The following RNLS variants were observed in gnomAD, a reference collection of about 807,000 sequenced individuals.
RNLS encodes renalase, FAD dependent amine oxidase, also known as renalase.
A neutral mutation model predicts 39.8 loss-of-function variants in RNLS; 39 were observed. The ratio of observed to expected loss-of-function variants is 0.98; its 90% CI spans 0.76 to 1.28. The LOEUF (loss-of-function observed/expected upper bound fraction) is 1.28. Among genes scored for constraint, RNLS ranks in the 50% most tolerant of loss-of-function variants. The pLI is 0.00. For missense variants in RNLS, 410 were observed against 413.3 expected, an observed-to-expected ratio of 0.99 and a Z score of 0.07; for synonymous variants, 147 against 150.7, an observed-to-expected ratio of 0.98 and a Z score of 0.18.
Position 88,362,658 on chromosome 10 carries a change from G to A in RNLS, c.594C>T (p.Leu198=). The change falls in exon 5 of 7, where the codon CTC becomes CTT. Residue 198 remains leucine (L), a synonymous_variant. Transcript: ENST00000331772. Reference sequence around the variant, plus strand: ...CAATCTTCGTACCAGCTTCATAAAAGAGGCCCAGAGCATATCGAGAGGAGT... The same window carrying A: ...CAATCTTCGTACCAGCTTCATAAAAAAGGCCCAGAGCATATCGAGAGGAGT... ...VSYSSRYALG[L]FYEAGTKIDV... 6.2e-7 allele frequency: 1 copy of A among 1,613,966 alleles called. No individual in the cohort carries two copies. Among genetic ancestry groups the A allele is most frequent in the Non-Finnish European group, 8.5e-7 (1 of 1,179,942 alleles).
In RNLS at chr10:88,572,912, T is replaced by C. The variant is rs778762465; in HGVS notation, c.517A>G (p.Ile173Val). Reference sequence around the variant, plus strand: ...GCAAAAGCAGACTCACAGGTGGTGATGTCACCTTGAAGCTGCAGAATCTCA... The same window carrying C: ...GCAAAAGCAGACTCACAGGTGGTGACGTCACCTTGAAGCTGCAGAATCTCA... ...VPEILQLQGD[I>V]TTLISECQRQ... is the part of the protein sequence containing the mutation. The change falls in exon 4 of 7, where the codon ATC (isoleucine) becomes GTC (valine). Residue 173 changes from isoleucine to valine, a missense_variant. By Grantham distance (29) the Ile-to-Val change is conservative (BLOSUM62 3). Transcript: ENST00000331772. The C allele has an allele frequency of 1.1e-5, 18 of 1,613,576 alleles. No homozygotes were observed. The African/African-American group carries it at 1.9e-4, about 17-fold the overall frequency.
chr10:88,289,127 G>A (rs138205775), intron 6 of RNLS, among the ~76,000 whole-genome samples: 16 of 152,278 alleles, frequency 1.1e-4, no homozygotes, highest in African/African-American at 3.6e-4. Context: ...AAACTTAGGC[G>A]ATAACTGGAC....
chr10:88,366,693 G>GAAAAAAAAAAAAAAAAAAA, intron 4 of RNLS, among the ~76,000 whole-genome samples: 1 of 95,076 alleles, frequency 1.1e-5, no homozygotes. Flanking sequence ...AAAAAAAAAG[G>GAAAAAAAAAAAAAAAAAAA]AAATCCACAG....
At chr10:88,343,621 T>C (rs1212750823) in intron 5 of RNLS, 4 of 985,220 alleles carry the variant, frequency 4.1e-6, no homozygotes, top group Non-Finnish European at 4.8e-6. Flanking sequence ...TTTCCTTGTA[T>C]TCGTTCCTTT....
At chr10:88,311,755 G>A (rs1018724185) in intron 6 of RNLS, among the ~76,000 whole-genome samples, 2 of 152,122 alleles carry the variant, frequency 1.3e-5, no homozygotes, top group Non-Finnish European at 2.9e-5. Flanking sequence ...AACGCTTATT[G>A]AATAAATGAG....
At chr10:88,571,443 T>A (rs1399884813) in intron 4 of RNLS, among the ~76,000 whole-genome samples, 2 of 152,218 alleles carry the variant, frequency 1.3e-5, no homozygotes, top group Non-Finnish European at 2.9e-5. Context: ...GTACAGCTTT[T>A]CATATGTCAA....
rs547036521 is a variant in RNLS at position 88,315,742 on chromosome 10, T to C, written c.701-1101A>G. On this transcript the variant is annotated intron_variant, in intron 5 of 6. Transcript: ENST00000331772. ...CTTAACCTCTTTACATTTCAGGTTT[T>C]TTTTTTTTTTTAATGAGAATAAGTT... Among the ~76,000 whole-genome samples the C allele has an allele frequency of 3.8e-4, 58 of 151,732 alleles. 1 individual carries two copies. Among genetic ancestry groups the C allele is most frequent in the African/African-American group, 1.4e-3 (56 of 41,478 alleles).
intron 5 of RNLS, among the ~76,000 whole-genome samples, chr10:88,352,106 T>C (rs1048553603): frequency 2.0e-4 from 30 of 152,318 alleles, no homozygotes; most frequent in Non-Finnish European, 3.8e-4. Context: ...TGTGGTGAGA[T>C]GATGGGGTTT....
At chr10:88,488,240 A>G (rs1033155406) in intron 4 of RNLS, among the ~76,000 whole-genome samples, 3 of 152,156 alleles carry the variant, frequency 2.0e-5, no homozygotes, top group African/African-American at 7.2e-5. Flanking sequence ...ATACACCTCA[A>G]TGAATCTGTT....
chr10:88,284,673 C>T lies in RNLS; in HGVS notation c.*681G>A, dbSNP rs1843148903. 1.0e-6 allele frequency: 1 copy of T among 984,910 alleles called. No individual in the cohort carries two copies. Among genetic ancestry groups the T allele is most frequent in the African/African-American group, 1.7e-5 (1 of 57,204 alleles). 61.0% of individuals were successfully genotyped at this position (984,910 alleles called of 1,614,324 possible). On this transcript the variant is annotated 3_prime_UTR_variant, in exon 7 of 7. Transcript: ENST00000331772. ...CTCTCTGTTTCTATTTAATTTTTAT[C>T]TTTCATATTAGGACTGGAATTTGTT...
At chr10:88,531,598 A>G (rs1847426962) in intron 4 of RNLS, among the ~76,000 whole-genome samples, 1 of 152,006 alleles carries the variant, frequency 6.6e-6, no homozygotes, top group East Asian at 1.9e-4. Context: ...TCATAGCTGC[A>G]TATTTCCACC....
At chr10:88,193,487 C>T in the RNLS span, among the ~76,000 whole-genome samples, 2 of 152,120 alleles carry the variant, frequency 1.3e-5, no homozygotes, top group African/African-American at 4.8e-5. Flanking sequence ...TATCCCCACC[C>T]CACCACCACC....
chr10:88,359,184 C>T (rs184896623), intron 5 of RNLS, among the ~76,000 whole-genome samples: 14 of 152,138 alleles, frequency 9.2e-5, no homozygotes, highest in African/African-American at 2.6e-4. Context: ...GGCATGGAGG[C>T]GGGCACCTGT....
At chr10:88,578,843 G>A (rs1256724665) in intron 3 of RNLS, among the ~76,000 whole-genome samples, 3 of 152,030 alleles carry the variant, frequency 2.0e-5, no homozygotes, top group Non-Finnish European at 1.5e-5. Context: ...TCTCTGCCAG[G>A]ACATCAACTC....
At chr10:88,521,652 A>G (rs1349363087) in intron 4 of RNLS, among the ~76,000 whole-genome samples, 1 of 152,104 alleles carries the variant, frequency 6.6e-6, no homozygotes, top group Non-Finnish European at 1.5e-5. Flanking sequence ...AAAATGTACT[A>G]GGTTTAGGAC....
chr10:88,469,041 A>G (rs929788487), intron 4 of RNLS, among the ~76,000 whole-genome samples: 7 of 152,230 alleles, frequency 4.6e-5, no homozygotes, highest in Non-Finnish European at 7.3e-5. Flanking sequence ...ACATTAAAAA[A>G]TGTGAGAGTG....
chr10:88,521,495 G>A (rs1210264500), intron 4 of RNLS, among the ~76,000 whole-genome samples: 1 of 151,998 alleles, frequency 6.6e-6, no homozygotes, highest in Non-Finnish European at 1.5e-5. Context: ...AATTAATGAA[G>A]GAGGACACTA....
At chr10:88,464,871 T>C (rs1263749981) in intron 4 of RNLS, among the ~76,000 whole-genome samples, 2 of 151,956 alleles carry the variant, frequency 1.3e-5, no homozygotes, top group African/African-American at 4.8e-5. Flanking sequence ...TGATACAAAA[T>C]CAGAGTCAAC....
intron 4 of RNLS, among the ~76,000 whole-genome samples, chr10:88,381,620 AATTATAG>A (rs1257023161): frequency 1.3e-5 from 2 of 151,962 alleles, no homozygotes; most frequent in African/African-American, 4.8e-5. Flanking sequence ...CGTCCCTTTG[AATTATAG>A]ATTACACTAG....
Sources: gnomAD v4.1 joint callset for allele counts (sites outside exome capture counted in the v4.1 genomes callset) on GRCh38, gnomAD v4.1.1 for gene constraint, MANE v1.5 for transcripts, NCBI Gene and HGNC (gene_info 2026-07-23, HGNC 2026-07-21) for gene names.